Variants in ZNF469 observed in about 807,000 individuals in gnomAD.
The protein encoded by ZNF469 is zinc finger protein 469.
ZNF469 carries 1 observed loss-of-function variant against 1.0 expected under a neutral mutation model. That is an observed-to-expected ratio of 1.00 (90% confidence interval 0.35 to 4.73). The LOEUF (loss-of-function observed/expected upper bound fraction) is 4.73. ZNF469 is among the 30% of genes most tolerant of loss of function. ZNF469 has a pLI of 0.16. For missense variants in ZNF469, 6,100 were observed against 5,356.3 expected (o/e 1.14, Z -4.33); for synonymous variants, 2,703 against 2,363.4 (o/e 1.14, Z -4.17).
chr16:88,229,667 T>TCACGTGTGTGTGCTGATGTCA, the ZNF469 span, among the ~76,000 whole-genome samples: 3 of 144,264 alleles, frequency 2.1e-5, no homozygotes, highest in East Asian at 4.1e-4. Flanking sequence ...CGTGTGGATG[T>TCACGTGTGTGTGCTGATGTCA]CGCGTGTGTG....
the ZNF469 span, among the ~76,000 whole-genome samples, chr16:88,344,133 G>A: frequency 6.6e-5 from 10 of 151,938 alleles, no homozygotes; most frequent in Non-Finnish European, 1.3e-4. Flanking sequence ...TCCTCACAAC[G>A]GTCAAGGTCA....
the ZNF469 span, among the ~76,000 whole-genome samples, chr16:88,127,791 T>G: frequency 6.6e-6 from 1 of 152,192 alleles, no homozygotes; most frequent in African/African-American, 2.4e-5. Context: ...ACAGGAACTG[T>G]GTTTAGAAGG....
At chr16:88,135,034 C>T in the ZNF469 span, among the ~76,000 whole-genome samples, 3 of 152,352 alleles carry the variant, frequency 2.0e-5, no homozygotes, top group East Asian at 1.9e-4. Context: ...GTCAGTCCAC[C>T]CCCATGTGCC....
At chr16:88,255,629 C>T in the ZNF469 span, among the ~76,000 whole-genome samples, 877 of 152,254 alleles carry the variant, frequency 5.8e-3, 9 homozygotes, top group African/African-American at 0.02. Flanking sequence ...CCACGGTTTA[C>T]GTTGTAAGAG....
the ZNF469 span, among the ~76,000 whole-genome samples, chr16:88,347,428 G>A: frequency 1.3e-5 from 2 of 152,042 alleles, no homozygotes; most frequent in African/African-American, 4.8e-5. Flanking sequence ...CCAGAGAGAC[G>A]GTCACACGTA....
the ZNF469 span, among the ~76,000 whole-genome samples, chr16:88,180,960 A>G: frequency 1.3e-5 from 2 of 152,262 alleles, no homozygotes; most frequent in Non-Finnish European, 2.9e-5. Flanking sequence ...TGTAAGCTAT[A>G]GAAGAAGTAG....
the ZNF469 span, among the ~76,000 whole-genome samples, chr16:88,134,202 C>T: frequency 6.6e-6 from 1 of 152,190 alleles, no homozygotes; most frequent in Non-Finnish European, 1.5e-5. Flanking sequence ...ATGGGCTGCC[C>T]TTGGCATTTA....
At chr16:88,360,794 G>C in the ZNF469 span, among the ~76,000 whole-genome samples, 3 of 150,402 alleles carry the variant, frequency 2.0e-5, no homozygotes, top group Non-Finnish European at 4.4e-5. Flanking sequence ...TCCACCCCCA[G>C]ACAGTGCCCG....
chr16:88,342,249 G>A, the ZNF469 span, among the ~76,000 whole-genome samples: 1 of 152,132 alleles, frequency 6.6e-6, no homozygotes, highest in Non-Finnish European at 1.5e-5. Flanking sequence ...AGTGACCAGG[G>A]AGCTCAGTGT....
At chr16:88,131,985 C>G in the ZNF469 span, among the ~76,000 whole-genome samples, 1 of 152,222 alleles carries the variant, frequency 6.6e-6, no homozygotes, top group Non-Finnish European at 1.5e-5. Context: ...CTGCTGAAGA[C>G]AGGGCAGCGA....
At chr16:88,212,497 C>T in the ZNF469 span, among the ~76,000 whole-genome samples, 1 of 152,026 alleles carries the variant, frequency 6.6e-6, no homozygotes, top group Non-Finnish European at 1.5e-5. Context: ...CTTTGGGTAC[C>T]TTTTAATTTA....
At chr16:88,120,234 A>G in the ZNF469 span, among the ~76,000 whole-genome samples, 1 of 152,152 alleles carries the variant, frequency 6.6e-6, no homozygotes, top group African/African-American at 2.4e-5. Flanking sequence ...CCCTGGGCCC[A>G]GGGGAGCCAC....
the ZNF469 span, among the ~76,000 whole-genome samples, chr16:88,264,873 C>A: frequency 6.6e-6 from 1 of 152,308 alleles, no homozygotes; most frequent in African/African-American, 2.4e-5. Context: ...CGCTGCTTTC[C>A]AGTGGGTCTG....
At chr16:88,292,292 G>C in the ZNF469 span, among the ~76,000 whole-genome samples, 131 of 152,300 alleles carry the variant, frequency 8.6e-4, no homozygotes, top group Middle Eastern at 0.014. Flanking sequence ...CGAGGACCAT[G>C]CATTTCCAAC....
At chr16:88,130,863 C>T in the ZNF469 span, among the ~76,000 whole-genome samples, 3 of 152,172 alleles carry the variant, frequency 2.0e-5, no homozygotes, top group African/African-American at 7.2e-5. Context: ...CCTGGGATGG[C>T]GGGCGCGTGG....
At chr16:88,394,217 G>C (rs11866287) in intron 1 of ZNF469, among the ~76,000 whole-genome samples, 59,673 of 92,988 alleles carry the variant, frequency 0.64, 19,338 homozygotes, top group African/African-American at 0.78. Flanking sequence ...TTTGACACAT[G>C]TACACCTGTG....
chr16:88,250,160 C>T, the ZNF469 span, among the ~76,000 whole-genome samples: 3 of 152,208 alleles, frequency 2.0e-5, no homozygotes, highest in Admixed American at 6.5e-5. Flanking sequence ...GATCAGGAAA[C>T]GGAACAAGAC....
Position 88,430,363 on chromosome 16 carries a change from G to C in ZNF469, c.2893G>C (p.Glu965Gln). ...GGATCTGGACTCGGGCGGCGCAGCA[G>C]AGGGGTCGGGGTCGGGCGGCGGCGG... ...RKDLDSGGAAEGSGSGGGGRA... is the reference protein window; with the variant it reads ...RKDLDSGGAAQGSGSGGGGRA... The change falls in exon 3 of 3, where the codon GAG (glutamate) becomes CAG (glutamine). Residue 965 changes from glutamate (E) to glutamine (Q), a missense_variant. By Grantham distance (29) the Glu-to-Gln change is conservative (BLOSUM62 2). Transcript: ENST00000565624. The C allele has an allele frequency of 6.6e-7, 1 of 1,513,066 alleles. No homozygotes were observed. Among genetic ancestry groups the C allele is most frequent in the African/African-American group, 1.4e-5 (1 of 72,338 alleles). 93.7% of individuals were successfully genotyped at this position (1,513,066 alleles called of 1,614,324 possible). A position where few individuals can be genotyped will look rare whatever the true frequency, so the allele number is the denominator to read the frequency against.
At chr16:88,341,126 C>T in the ZNF469 span, among the ~76,000 whole-genome samples, 3 of 152,346 alleles carry the variant, frequency 2.0e-5, no homozygotes, top group Non-Finnish European at 4.4e-5. Flanking sequence ...GTGGGCCACA[C>T]GTGGTCTCTG....
Sources: gnomAD v4.1 joint callset for allele counts (sites outside exome capture counted in the v4.1 genomes callset) on GRCh38, gnomAD v4.1.1 for gene constraint, MANE v1.5 for transcripts, NCBI Gene and HGNC (gene_info 2026-07-23, HGNC 2026-07-21) for gene names.